Variants in ATE1 observed in about 807,000 individuals in gnomAD.
The protein encoded by ATE1 is arginyltransferase 1, also known as arginyl-tRNA--protein transferase 1.
ATE1 carries 36 observed loss-of-function variants against 70.5 expected under a neutral mutation model. That is an observed-to-expected ratio of 0.51 (90% CI 0.39 to 0.67). The LOEUF is 0.67. Among genes scored for constraint, ATE1 ranks in the 30% least tolerant of loss-of-function variants. The pLI is 0.00. For synonymous variants in ATE1, 232 were observed against 219.3 expected (o/e 1.06, Z -0.51); for missense variants, 593 against 629.5 (o/e 0.94, Z 0.62).
chr10:121,912,552 G>A lies in ATE1; in HGVS notation c.337+1238C>T, dbSNP rs115063235. On this transcript the variant is annotated intron_variant, in intron 4 of 11. Coordinates refer to ENST00000224652, the MANE Select transcript of ATE1 (RefSeq NM_001001976.3). ...CTGTGGTCCCAGCTACTCGGGAGGC[G>A]GAGACAACAGAATGCCTTGAACCCG... 7.6e-3 allele frequency among the ~76,000 whole-genome samples: 1,145 copies of A among 151,476 alleles called. 22 individuals carry two copies. Among genetic ancestry groups the A allele is most frequent in the African/African-American group, 0.026 (1,085 of 41,400 alleles).
intron 7 of ATE1, among the ~76,000 whole-genome samples, chr10:121,890,660 C>T (rs1478506801): frequency 6.6e-6 from 1 of 152,160 alleles, no homozygotes; most frequent in Non-Finnish European, 1.5e-5. Flanking sequence ...GAGAGGTCAA[C>T]TCTATTCTAG....
rs573479187 is a variant in ATE1, at chr10:121,809,918, G to A, written c.1258-19629C>T. ...AAAACAAAACAAAAAAAAAAACAAT[G>A]CACCCAGAGGTTAGTGGTCAACAGT... On this transcript the variant is annotated intron_variant, in intron 10 of 11. Transcript: ENST00000224652. Among the ~76,000 whole-genome samples the A allele has an allele frequency of 1.3e-3, 194 of 151,890 alleles. 1 individual carries two copies. Among genetic ancestry groups the A allele is most frequent in the African/African-American group, 4.3e-3 (180 of 41,452 alleles).
chr10:121,928,269 G>A (rs1254858335), upstream of ATE1: 2 of 1,443,062 alleles, frequency 1.4e-6, no homozygotes, highest in Non-Finnish European at 1.8e-6. Flanking sequence ...GAGTCGGGGT[G>A]CGAGCCTGCC....
chr10:121,915,510 G>C (rs1337180207), intron 3 of ATE1, among the ~76,000 whole-genome samples: 1 of 152,150 alleles, frequency 6.6e-6, no homozygotes, highest in African/African-American at 2.4e-5. Flanking sequence ...CCCCAGATAA[G>C]AAGGGCCCCT....
At chr10:121,791,030 GTA>G (rs1367424361) in intron 10 of ATE1, among the ~76,000 whole-genome samples, 1 of 148,322 alleles carries the variant, frequency 6.7e-6, no homozygotes, top group African/African-American at 2.5e-5. Context: ...GTGTATATAT[GTA>G]TATATGTGTA....
chr10:121,752,030 A>AAAAAAAATAC (rs1272165046), intron 11 of ATE1, among the ~76,000 whole-genome samples: 1 of 150,478 alleles, frequency 6.6e-6, no homozygotes, highest in Admixed American at 6.6e-5. Context: ...CGTCTCTACT[A>AAAAAAAATAC]AAAAAAATAC....
At chr10:121,902,351 A>G (rs777175522) in intron 6 of ATE1, 40 bp downstream of exon 6, 8 of 1,543,328 alleles carry the variant, frequency 5.2e-6, no homozygotes, top group Non-Finnish European at 7.0e-6. Context: ...AAACAAAAAA[A>G]AATCATAATA....
At chr10:121,872,470 C>T (rs573945052) in intron 7 of ATE1, among the ~76,000 whole-genome samples, 1 of 151,954 alleles carries the variant, frequency 6.6e-6, no homozygotes, top group African/African-American at 2.4e-5. Context: ...AAAAAGATTT[C>T]AAAAAATGCC....
intron 4 of ATE1, among the ~76,000 whole-genome samples, chr10:121,913,039 C>G (rs1316702946): frequency 6.6e-6 from 1 of 152,120 alleles, no homozygotes; most frequent in Non-Finnish European, 1.5e-5. Context: ...GCCACCACGC[C>G]AGGCTAATTT....
At chr10:121,918,190 G>C (rs992570886) in intron 3 of ATE1, among the ~76,000 whole-genome samples, 1 of 152,048 alleles carries the variant, frequency 6.6e-6, no homozygotes, top group Non-Finnish European at 1.5e-5. Flanking sequence ...AAAATTAGCA[G>C]GGCATGGTGG....
At position 121,742,000 on chromosome 10, in the gene ATE1, G is replaced by C. The variant is rs1340801418; in HGVS notation, c.*1680C>G. ...ATTTTAGAGGAAAAAGAGAAAAAAGGCTCTATAGATTCTGAAGGCAGTTCC... is the reference window on the plus strand; with the variant it reads ...ATTTTAGAGGAAAAAGAGAAAAAAGCCTCTATAGATTCTGAAGGCAGTTCC... On this transcript the variant is annotated 3_prime_UTR_variant, in exon 12 of 12. Coordinates refer to ENST00000224652, the MANE Select transcript of ATE1 (RefSeq NM_001001976.3). 1 of 152,150 alleles carries C rather than the reference G, an allele frequency of 6.6e-6. No individual in the cohort carries two copies. The highest frequency in any genetic ancestry group is 1.9e-4 in the East Asian group (1 of 5,196). The allele number at this position is 152,150 out of a possible 1,614,324, so 9.4% of individuals were successfully genotyped here. A position where few individuals can be genotyped will look rare whatever the true frequency, so the allele number is the denominator to read the frequency against.
intron 6 of ATE1, among the ~76,000 whole-genome samples, chr10:121,901,334 G>A (rs180832202): frequency 1.4e-4 from 21 of 152,216 alleles, no homozygotes; most frequent in African/African-American, 4.1e-4. Context: ...ATGCATGAAA[G>A]TTAATTTTTA....
intron 7 of ATE1, among the ~76,000 whole-genome samples, chr10:121,873,713 G>T (rs1279246025): frequency 8.0e-5 from 12 of 149,326 alleles, no homozygotes; most frequent in African/African-American, 2.7e-4. Context: ...AAAGGTACCA[G>T]AAAAATGATA....
chr10:121,755,041 T>C (rs920164099), intron 11 of ATE1, among the ~76,000 whole-genome samples: 4 of 152,208 alleles, frequency 2.6e-5, no homozygotes, highest in Non-Finnish European at 5.9e-5. Context: ...TATACTATGG[T>C]ATTGTTCTAG....
At chr10:121,763,373 G>A (rs558163397) in intron 11 of ATE1, among the ~76,000 whole-genome samples, 1 of 152,190 alleles carries the variant, frequency 6.6e-6, no homozygotes, top group South Asian at 2.1e-4. Flanking sequence ...TCCTTCAATA[G>A]GTAAACAGAT....
At chr10:121,783,908 CA>C (rs1370040197) in intron 11 of ATE1, among the ~76,000 whole-genome samples, 8 of 151,782 alleles carry the variant, frequency 5.3e-5, no homozygotes, top group African/African-American at 1.9e-4. Flanking sequence ...GGTTTTGAGA[CA>C]GGGTCTTGCT....
chr10:121,794,969 T>C (rs1946605309), intron 10 of ATE1, among the ~76,000 whole-genome samples: 1 of 152,122 alleles, frequency 6.6e-6, no homozygotes, highest in Non-Finnish European at 1.5e-5. Flanking sequence ...TTTAGTCGGC[T>C]GGGGGCGGTA....
At chr10:121,768,984 A>G (rs984030315) in intron 11 of ATE1, among the ~76,000 whole-genome samples, 6 of 143,810 alleles carry the variant, frequency 4.2e-5, no homozygotes, top group Non-Finnish European at 7.6e-5. Flanking sequence ...CCAAATTTAT[A>G]TATAGATTTA....
intron 5 of ATE1, among the ~76,000 whole-genome samples, chr10:121,907,023 A>C (rs1951223597): frequency 6.6e-6 from 1 of 152,198 alleles, no homozygotes. Flanking sequence ...TAAGGTTGTT[A>C]TTCTAAAACT....
Sources: gnomAD v4.1 joint callset for allele counts (sites outside exome capture counted in the v4.1 genomes callset) on GRCh38, gnomAD v4.1.1 for gene constraint, MANE v1.5 for transcripts, NCBI Gene and HGNC (gene_info 2026-07-23, HGNC 2026-07-21) for gene names.